Variants in CFAP46 observed in about 807,000 individuals in gnomAD.
CFAP46 encodes cilia and flagella associated protein 46.
A neutral mutation model predicts 325.7 loss-of-function variants in CFAP46; 245 were observed. That is an observed-to-expected ratio of 0.75 (90% CI 0.68 to 0.84). CFAP46 has a LOEUF of 0.84. Ranked by LOEUF, CFAP46 falls within the 40% of genes least tolerant of loss-of-function variation. The probability of loss-of-function intolerance (pLI) is 0.00; values close to 1 mark genes in which losing one functional copy is unlikely to be tolerated. For missense variants in CFAP46, 3,346 were observed against 3,543.0 expected (o/e 0.94, Z 1.41); for synonymous variants, 1,523 against 1,495.9 (o/e 1.02, Z -0.42).
chr10:132,879,471 C>T lies in CFAP46; in HGVS notation c.3960G>A (p.Glu1320=), dbSNP rs1170185874. ...AGGCGTAGGCTGCAAGGCAGCAGTC[C>T]TCGTAGCCCTCGGCGCCCGGCGACA... is the stretch of plus-strand genomic sequence containing the variant. The part of the protein sequence containing the change: ...LVLSPGAEGY[E]DCCLAAYAFF... The change falls in exon 29 of 58, where the codon GAG becomes GAA. Residue 1320 remains glutamate, a synonymous_variant. Coordinates refer to ENST00000368586, the MANE Select transcript of CFAP46 (RefSeq NM_001200049.3). 1 of 1,545,802 alleles carries T rather than the reference C, an allele frequency of 6.5e-7. No homozygotes were observed. Among genetic ancestry groups the T allele is most frequent in the Non-Finnish European group, 8.7e-7 (1 of 1,145,152 alleles).
At chr10:132,896,304 G>A (rs1849320348) in intron 24 of CFAP46, among the ~76,000 whole-genome samples, 1 of 152,058 alleles carries the variant, frequency 6.6e-6, no homozygotes, top group Admixed American at 6.5e-5. Flanking sequence ...TGTGCCACAT[G>A]AAGACACAGT....
In CFAP46 at chr10:132,926,662, G is replaced by A. The variant is rs1028606446; in HGVS notation, c.971C>T (p.Pro324Leu). 1 of 1,535,188 alleles carries A rather than the reference G, an allele frequency of 6.5e-7. No individual in the cohort carries two copies. Among genetic ancestry groups the A allele is most frequent in the Non-Finnish European group, 8.7e-7 (1 of 1,146,084 alleles). Residue 324 changes from proline (P) to leucine (L), a missense_variant, in exon 10 of 58, where the codon CCT becomes CTT. Pro to Leu is a moderately conservative substitution (Grantham distance 98). Coordinates refer to ENST00000368586, the MANE Select transcript of CFAP46 (RefSeq NM_001200049.3). ...ACATTCCATTTCAATAAGCTTCCCAGGATCCTGCAGATATAAACAGTTTTT... is the reference window on the plus strand; with the variant it reads ...ACATTCCATTTCAATAAGCTTCCCAAGATCCTGCAGATATAAACAGTTTTT... ...SDLKKMESKD[P>L]GKLIEMECLE...
chr10:132,866,279 A>C, intron 34 of CFAP46, 108 bp from the exon 35 acceptor site: 1 of 1,193,728 alleles, frequency 8.4e-7, no homozygotes, highest in Non-Finnish European at 1.1e-6. Flanking sequence ...AGGGAGCCAC[A>C]CCACACCAAG....
At chr10:132,931,058 TG>T (rs374874937) in intron 8 of CFAP46, among the ~76,000 whole-genome samples, 57 of 93,870 alleles carry the variant, frequency 6.1e-4, no homozygotes, top group African/African-American at 2.0e-3. Context: ...ACACAGAGCC[TG>T]GGCCTCCCTC....
chr10:132,912,569 T>TTCACCTCTCTCTCTC (rs1564798419), intron 19 of CFAP46, 86 bp downstream of exon 19: 192 of 870,616 alleles, frequency 2.2e-4, no homozygotes, highest in Admixed American at 1.3e-3. Flanking sequence ...CTCTCTCCTC[T>TTCACCTCTCTCTCTC]TTCACCTCTC....
chr10:132,822,048 T>G (rs62647717), intron 50 of CFAP46, among the ~76,000 whole-genome samples: 22 of 141,710 alleles, frequency 1.6e-4, no homozygotes, highest in Non-Finnish European at 1.5e-5. Context: ...TGTGCTGATG[T>G]GTGCTGTGTG....
Position 132,910,502 on chromosome 10 carries a change from C to T in CFAP46, c.2500-434G>A, listed in dbSNP as rs567885725. Among the ~76,000 whole-genome samples the T allele has an allele frequency of 1.8e-3, 260 of 146,750 alleles. 1 individual carries two copies. The highest frequency in any genetic ancestry group is 3.5e-3 in the Middle Eastern group (1 of 288). On this transcript the variant is annotated intron_variant, in intron 19 of 57. Coordinates refer to ENST00000368586, the MANE Select transcript of CFAP46 (RefSeq NM_001200049.3). ...GCTGCTGCCCTGAGCCCCTGGGCTG[C>T]GCCCCAGCTCCCTGTCTTGCTGGCC...
intron 25 of CFAP46, among the ~76,000 whole-genome samples, chr10:132,887,510 T>C (rs528423354): frequency 4.7e-4 from 42 of 90,232 alleles, no homozygotes; most frequent in African/African-American, 1.7e-3. Context: ...TTTCCTCTCC[T>C]CTCTCTCTCC....
intron 19 of CFAP46, among the ~76,000 whole-genome samples, chr10:132,911,156 G>A (rs1487716649): frequency 1.3e-5 from 2 of 152,192 alleles, no homozygotes; most frequent in African/African-American, 2.4e-5. Flanking sequence ...CCTCCAGCCT[G>A]ATCCCTGTAG....
chr10:132,933,648 C>A (rs547192076), intron 8 of CFAP46, among the ~76,000 whole-genome samples: 1 of 152,392 alleles, frequency 6.6e-6, no homozygotes. Flanking sequence ...CCCTGCGGTC[C>A]TGGGGCCCCT....
At chr10:132,933,419 C>A (rs575059860) in intron 8 of CFAP46, among the ~76,000 whole-genome samples, 1 of 152,386 alleles carries the variant, frequency 6.6e-6, no homozygotes, top group Non-Finnish European at 1.5e-5. Context: ...CGTCGGAGCG[C>A]CTGGCCACAG....
At chr10:132,907,936 C>T (rs904433623) in intron 22 of CFAP46, among the ~76,000 whole-genome samples, 5 of 152,248 alleles carry the variant, frequency 3.3e-5, no homozygotes, top group South Asian at 2.1e-4. Context: ...TTCCAGCCTC[C>T]GGAACTGTGA....
chr10:132,920,837 C>T (rs1849711941), intron 13 of CFAP46, among the ~76,000 whole-genome samples: 1 of 152,238 alleles, frequency 6.6e-6, no homozygotes, highest in Non-Finnish European at 1.5e-5. Flanking sequence ...GGTGCTGTCT[C>T]GGCCCCACAG....
At chr10:132,912,500 TCTCTCTC>T (rs1266663428) in intron 19 of CFAP46, among the ~76,000 whole-genome samples, 148 bp downstream of exon 19, 1 of 73,338 alleles carries the variant, frequency 1.4e-5, no homozygotes, top group Non-Finnish European at 2.9e-5. Context: ...CTCTTTCACC[TCTCTCTC>T]CTCTCCTCTC....
At chr10:132,913,381 G>GGC (rs2135555562) in intron 17 of CFAP46, 123 bp from the exon 18 acceptor site, 14 of 350,502 alleles carry the variant, frequency 4.0e-5, no homozygotes, top group Non-Finnish European at 4.6e-5. Flanking sequence ...GGGCGGGTGG[G>GGC]CGGCGACCAA....
Position 132,810,431 on chromosome 10 carries a change from A to G in CFAP46, c.7642T>C (p.Trp2548Arg). The G allele has an allele frequency of 6.2e-7, 1 of 1,613,382 alleles. No individual in the cohort carries two copies. Among genetic ancestry groups the G allele is most frequent in the Non-Finnish European group, 8.5e-7 (1 of 1,179,940 alleles). ...RNSASPSEDE[W>R]RRGGEPRRGF... ...TACCTTGGTTCACCGCCTCGTCGCC[A>G]CTCATCTTCTGAAGGAGACGCACTG... The change falls in exon 57 of 58, where the codon TGG becomes CGG. Residue 2548 changes from tryptophan (W) to arginine (R), a missense_variant. By Grantham distance (101) the Trp-to-Arg change is moderately radical. Transcript: ENST00000368586.
rs539602707 is a variant in CFAP46, at chr10:132,834,816, C to T, written c.6745-41G>A. ...AAAGAGGCCCCCGTAGCAAACAGGG[C>T]GCATGGCCCAGACCCCGCGAGGGCC... On this transcript the variant is annotated intron_variant, in intron 47 of 57. Transcript: ENST00000368586. The T allele has an allele frequency of 8.1e-5, 130 of 1,596,872 alleles. 1 individual carries two copies. The South Asian group carries it at 1.2e-3, about 15-fold the overall frequency.
intron 50 of CFAP46, among the ~76,000 whole-genome samples, chr10:132,822,483 TGC>T (rs1847882874): frequency 2.1e-5 from 3 of 139,890 alleles, no homozygotes; most frequent in East Asian, 4.6e-4. Flanking sequence ...GTGCTGTGTG[TGC>T]TGTGTGTGCT....
intron 3 of CFAP46, 146 bp downstream of exon 3, chr10:132,941,445 T>C: frequency 9.1e-7 from 1 of 1,101,444 alleles, no homozygotes; most frequent in Non-Finnish European, 1.3e-6. Flanking sequence ...GGACAGGAAA[T>C]GGTGCAAGTT....
Sources: gnomAD v4.1 joint callset for allele counts (sites outside exome capture counted in the v4.1 genomes callset) on GRCh38, gnomAD v4.1.1 for gene constraint, MANE v1.5 for transcripts, NCBI Gene and HGNC (gene_info 2026-07-23, HGNC 2026-07-21) for gene names.